The following DPH6 variants were observed in gnomAD, a reference collection of about 807,000 sequenced individuals.
The protein encoded by DPH6 is diphthine--ammonia ligase.
Under a neutral mutation model 38.2 loss-of-function variants are expected in DPH6, and 33 were observed. That is an observed-to-expected ratio of 0.86 (90% CI 0.65 to 1.15). DPH6 has a LOEUF of 1.15. DPH6 is among the 50% of genes most tolerant of loss of function. The pLI, the probability that DPH6 is intolerant of heterozygous loss-of-function variation, is 0.00. For synonymous variants in DPH6, 108 were observed against 103.0 expected (o/e 1.05, Z -0.30); for missense variants, 325 against 320.0 (o/e 1.02, Z -0.12).
the DPH6 span, among the ~76,000 whole-genome samples, chr15:35,167,927 T>C: frequency 6.6e-6 from 1 of 152,028 alleles, no homozygotes; most frequent in African/African-American, 2.4e-5. Context: ...ATACTTTCAA[T>C]GCCACACAAG....
chr15:35,357,282 CCACT>C (rs2052570328), intron 3 of DPH6, among the ~76,000 whole-genome samples: 1 of 152,212 alleles, frequency 6.6e-6, no homozygotes, highest in African/African-American at 2.4e-5. Context: ...TGTGCTGCAC[CCACT>C]GTCTTGCACC....
At chr15:35,366,393 CT>C (rs1202768751), downstream of DPH6, among the ~76,000 whole-genome samples, 3 of 151,930 alleles carry the variant, frequency 2.0e-5, no homozygotes, top group Non-Finnish European at 4.4e-5. Context: ...CCTATTGTCT[CT>C]TTCTACCAAG....
chr15:35,425,876 G>T (rs1318616589), intron 5 of DPH6, among the ~76,000 whole-genome samples: 2 of 149,224 alleles, frequency 1.3e-5, no homozygotes, highest in African/African-American at 4.9e-5. Flanking sequence ...GCACCAAAAA[G>T]TTATATGCCT....
At chr15:35,422,101 A>G (rs1380103139) in intron 5 of DPH6, among the ~76,000 whole-genome samples, 1 of 151,620 alleles carries the variant, frequency 6.6e-6, no homozygotes, top group Admixed American at 6.6e-5. Context: ...GGTGGCACCA[A>G]GTGTTATTCC....
the DPH6 span, among the ~76,000 whole-genome samples, chr15:35,193,626 T>C: frequency 1.3e-5 from 2 of 152,168 alleles, no homozygotes; most frequent in African/African-American, 4.8e-5. Context: ...TATATATGTA[T>C]TTCTCAGATG....
chr15:35,234,595 T>C (rs2051539276), intron 3 of DPH6, among the ~76,000 whole-genome samples: 1 of 152,234 alleles, frequency 6.6e-6, no homozygotes, highest in Admixed American at 6.5e-5. Context: ...ACCCAAACTA[T>C]GACATTTGAA....
At chr15:35,332,104 C>T (rs548160141) in intron 3 of DPH6, among the ~76,000 whole-genome samples, 32 of 152,254 alleles carry the variant, frequency 2.1e-4, no homozygotes, top group African/African-American at 7.5e-4. Flanking sequence ...GAATCAGCTT[C>T]TAGGATGGAA....
chr15:35,202,515 CA>C, the DPH6 span, among the ~76,000 whole-genome samples: 237 of 151,904 alleles, frequency 1.6e-3, no homozygotes, highest in African/African-American at 5.4e-3. Context: ...GAGAAGCCTG[CA>C]ACTGTATTAG....
the DPH6 span, among the ~76,000 whole-genome samples, chr15:35,152,584 C>T: frequency 2.0e-5 from 3 of 152,158 alleles, no homozygotes; most frequent in Non-Finnish European, 4.4e-5. Flanking sequence ...ACTGCAACCT[C>T]CACCTCCCAG....
the DPH6 span, among the ~76,000 whole-genome samples, chr15:35,192,568 T>C: frequency 6.6e-6 from 1 of 152,190 alleles, no homozygotes; most frequent in Non-Finnish European, 1.5e-5. Context: ...TCCTTCTTGC[T>C]TCACAGGATG....
intron 3 of DPH6, among the ~76,000 whole-genome samples, chr15:35,360,865 A>G (rs1239937753): frequency 2.6e-5 from 4 of 152,246 alleles, no homozygotes; most frequent in East Asian, 3.9e-4. Flanking sequence ...AGTGTACACA[A>G]TTGGGTGTGA....
chr15:35,541,536 G>A (rs1324253708), intron 2 of DPH6, among the ~76,000 whole-genome samples: 3 of 152,048 alleles, frequency 2.0e-5, no homozygotes, highest in Non-Finnish European at 4.4e-5. Context: ...CAGGAACTAC[G>A]ACTGATGTTC....
At chr15:35,262,395 T>G (rs1464470580) in intron 3 of DPH6, among the ~76,000 whole-genome samples, 1 of 152,148 alleles carries the variant, frequency 6.6e-6, no homozygotes, top group Non-Finnish European at 1.5e-5. Flanking sequence ...AAAAATGTTT[T>G]CTAAGTGATT....
intron 2 of DPH6, among the ~76,000 whole-genome samples, chr15:35,539,202 C>A (rs578084144): frequency 6.6e-6 from 1 of 151,700 alleles, no homozygotes; most frequent in Admixed American, 6.6e-5. Context: ...CTTTAGATCT[C>A]GTAACCTTAC....
intron 5 of DPH6, among the ~76,000 whole-genome samples, chr15:35,412,436 CTG>C (rs971829677): frequency 1.3e-5 from 2 of 151,730 alleles, no homozygotes; most frequent in African/African-American, 4.8e-5. Flanking sequence ...TCTTACAAAA[CTG>C]AACATATTCT....
chr15:35,531,472 A>G (rs2055086154), intron 3 of DPH6, among the ~76,000 whole-genome samples: 2 of 152,126 alleles, frequency 1.3e-5, no homozygotes, highest in Admixed American at 6.6e-5. Flanking sequence ...CGATAATTAC[A>G]TTAAAAAAAT....
At chr15:35,180,649 T>C in the DPH6 span, among the ~76,000 whole-genome samples, 1 of 152,006 alleles carries the variant, frequency 6.6e-6, no homozygotes, top group African/African-American at 2.4e-5. Context: ...TTCTTTTTTC[T>C]TTCTTTCTTT....
chr15:35,220,060 T>C (rs2051432486), exon 4 of DPH6: 1 of 152,218 alleles, frequency 6.6e-6, no homozygotes, highest in Non-Finnish European at 1.5e-5. Context: ...ACATTTATTA[T>C]GAAAAATGTC....
intron 3 of DPH6, among the ~76,000 whole-genome samples, chr15:35,347,283 C>G (rs1047310422): frequency 6.6e-6 from 1 of 152,038 alleles, no homozygotes; most frequent in Admixed American, 6.6e-5. Context: ...ATAATGTCCT[C>G]AAGGTTTATT....
Sources: allele counts gnomAD v4.1 joint callset (sites outside exome capture counted in the v4.1 genomes callset), GRCh38; gene constraint gnomAD v4.1.1; transcripts MANE v1.5; gene names NCBI Gene and HGNC (gene_info 2026-07-23, HGNC 2026-07-21).